SETX: variants seen among roughly 807,000 people sequenced by gnomAD.
SETX encodes the protein helicase senataxin.
Under a neutral mutation model 227.2 loss-of-function variants are expected in SETX, and 90 were observed. That is an observed-to-expected ratio of 0.40 (90% CI 0.33 to 0.47). SETX has a LOEUF of 0.47. Among genes scored for constraint, SETX ranks in the 20% least tolerant of loss-of-function variants. The probability of loss-of-function intolerance (pLI) is 0.91; values close to 1 mark genes in which losing one functional copy is unlikely to be tolerated. For missense variants in SETX, 3,052 were observed against 3,181.5 expected (o/e 0.96, Z 0.98); for synonymous variants, 1,210 against 1,113.2 (o/e 1.09, Z -1.73).
At chr9:132,272,122 G>A (rs562830923) in intron 23 of SETX, among the ~76,000 whole-genome samples, 47 of 151,942 alleles carry the variant, frequency 3.1e-4, no homozygotes, top group Non-Finnish European at 6.0e-4. Context: ...CGCCCGCCTC[G>A]GCCTCCCAAA....
intron 20 of SETX, among the ~76,000 whole-genome samples, chr9:132,280,348 A>G (rs1390449116): frequency 6.6e-6 from 1 of 152,116 alleles, no homozygotes; most frequent in Non-Finnish European, 1.5e-5. Context: ...GTTGAGGCCC[A>G]TTAACAATCT....
chr9:132,347,077 G>T (rs1199619979), intron 3 of SETX, among the ~76,000 whole-genome samples: 1 of 151,720 alleles, frequency 6.6e-6, no homozygotes, highest in South Asian at 2.1e-4. Context: ...CAACACGGAG[G>T]AACCTCGTCT....
intron 23 of SETX, among the ~76,000 whole-genome samples, chr9:132,274,128 C>T (rs1843033651): frequency 6.6e-6 from 1 of 152,134 alleles, no homozygotes; most frequent in Admixed American, 6.5e-5. Flanking sequence ...ATAAATCCCA[C>T]TTGGTCTTGA....
At chr9:132,348,587 G>A (rs1169991559) in intron 3 of SETX, among the ~76,000 whole-genome samples, 2 of 152,002 alleles carry the variant, frequency 1.3e-5, no homozygotes, top group African/African-American at 4.8e-5. Flanking sequence ...CATTTACTCA[G>A]CACCTAGTAT....
intron 10 of SETX, among the ~76,000 whole-genome samples, chr9:132,320,696 C>T (rs1035909031): frequency 6.6e-6 from 1 of 150,736 alleles, no homozygotes; most frequent in African/African-American, 2.4e-5. Context: ...CGGTTGAAAT[C>T]GTATGGTTAA....
In SETX at chr9:132,336,525, G is replaced by T; in HGVS notation, c.499-10C>A. On this transcript the variant is annotated splice_polypyrimidine_tract_variant and intron_variant, in intron 5 of 25. Coordinates refer to ENST00000224140, the MANE Select transcript of SETX (RefSeq NM_015046.7). ...TAGCCCAACGCCGAACCTAAATGCA[G>T]AATATATTTATTACTTAATTCAATA... The T allele has an allele frequency of 3.8e-6, 6 of 1,578,652 alleles. No individual in the cohort carries two copies. Among genetic ancestry groups the T allele is most frequent in the Non-Finnish European group, 5.2e-6 (6 of 1,147,738 alleles).
chr9:132,285,643 A>G (rs904519300), intron 18 of SETX, among the ~76,000 whole-genome samples: 20 of 150,808 alleles, frequency 1.3e-4, no homozygotes, highest in Non-Finnish European at 1.9e-4. Flanking sequence ...GCACTTAGGG[A>G]GGCCGAGGTG....
At position 132,329,337 on chromosome 9, in the gene SETX, G is replaced by C. The variant is rs764538703; in HGVS notation, c.2261C>G (p.Ala754Gly). The change falls in exon 10 of 26, where the codon GCT becomes GGT. Residue 754 changes from alanine to glycine, a missense_variant. This residue lies in a region of SETX where 1,483 missense variants were observed against 1,312.0 expected (regional missense o/e 1.13). Transcript: ENST00000224140. ...TRLLTDSSTD[A>G]LEKVSTSNED... ...ATTCGATGTGGACACTTTTTCCAAA[G>C]CATCAGTGCTAGAATCAGTCAACAA... 44 of 1,613,728 alleles carry C rather than the reference G, an allele frequency of 2.7e-5. No homozygotes were observed. The highest frequency in any genetic ancestry group is 3.4e-5 in the Non-Finnish European group (40 of 1,179,910).
At chr9:132,347,778 T>C (rs1218575866) in intron 3 of SETX, among the ~76,000 whole-genome samples, 6 of 152,164 alleles carry the variant, frequency 3.9e-5, no homozygotes, top group East Asian at 1.9e-4. Context: ...TTAGTGCAGC[T>C]TGTGGTATAA....
chr9:132,283,426 AGG>A lies in SETX; in HGVS notation c.6397-15_6397-14del, dbSNP rs778552157. The A allele has an allele frequency of 1.2e-6, 2 of 1,614,158 alleles. No individual in the cohort carries two copies. The highest frequency in any genetic ancestry group is 4.5e-5 in the East Asian group (2 of 44,884). On this transcript the variant is annotated splice_polypyrimidine_tract_variant and intron_variant, in intron 18 of 25. Transcript: ENST00000224140. ...GGCGTCCTTGAACCTAAGAGAACAAAGGTTAAATCAATATTCAGCTGTACATC... is the reference window on the plus strand; with the variant it reads ...GGCGTCCTTGAACCTAAGAGAACAAATTAAATCAATATTCAGCTGTACATC...
chr9:132,314,576 A>G (rs1270057395), intron 10 of SETX, among the ~76,000 whole-genome samples: 10 of 152,136 alleles, frequency 6.6e-5, no homozygotes, highest in African/African-American at 2.4e-4. Context: ...CTCATAAAGC[A>G]CTATCACTTC....
chr9:132,332,129 C>G (rs1462182541), intron 7 of SETX, among the ~76,000 whole-genome samples: 1 of 152,196 alleles, frequency 6.6e-6, no homozygotes, highest in Non-Finnish European at 1.5e-5. Context: ...TCAATGGATA[C>G]TTAATGTCTT....
chr9:132,335,899 T>C (rs493675), intron 6 of SETX, among the ~76,000 whole-genome samples: 136,084 of 152,190 alleles, frequency 0.89, 60,974 homozygotes, highest in Non-Finnish European at 0.92. Context: ...CTATCTTCAG[T>C]AAGTTTCATC....
rs60253119 is a variant in SETX, at chr9:132,292,415, C to CAAA, written c.6106+3454_6106+3456dup. Among the ~76,000 whole-genome samples, 148 of 60,998 alleles carry CAAA rather than the reference C, an allele frequency of 2.4e-3. 10 individuals carry two copies. Among genetic ancestry groups the CAAA allele is most frequent in the African/African-American group, 5.7e-3 (125 of 21,902 alleles). 40.0% of individuals were successfully genotyped at this position (60,998 alleles called of 152,430 possible). A position where few individuals can be genotyped will look rare whatever the true frequency, so the allele number is the denominator to read the frequency against. ...ATGTACCCCAGCCTGAGCTGGGGTA[C>CAAA]AAAAAAAAAAAAAAAAAAAAAAGAA... On this transcript the variant is annotated intron_variant, in intron 15 of 25. Transcript: ENST00000224140.
At chr9:132,279,202 T>A (rs1256939795) in intron 20 of SETX, among the ~76,000 whole-genome samples, 1 of 152,120 alleles carries the variant, frequency 6.6e-6, no homozygotes, top group Non-Finnish European at 1.5e-5. Flanking sequence ...TGGGATAAAC[T>A]GTCTTGATGT....
intron 6 of SETX, 24 bp downstream of exon 6, chr9:132,336,268 ATTAT>A (rs1378293204): frequency 1.3e-6 from 2 of 1,565,910 alleles, no homozygotes; most frequent in South Asian, 2.2e-5. Flanking sequence ...GAAAATACCA[ATTAT>A]ATTAGTGTAG....
At chr9:132,331,505 A>G in intron 7 of SETX, 57 bp from the exon 8 acceptor site, 2 of 1,550,140 alleles carry the variant, frequency 1.3e-6, no homozygotes, top group South Asian at 1.1e-5. Context: ...ACATACTACA[A>G]TATATTGAGA....
At chr9:132,274,822 GT>G (rs1564474373) in intron 23 of SETX, 2 of 174,148 alleles carry the variant, frequency 1.1e-5, no homozygotes, top group Non-Finnish European at 2.5e-5. Context: ...TGATTTTAAG[GT>G]TATGGATCTC....
chr9:132,342,937 T>C (rs1217438682), intron 4 of SETX, 138 bp from the exon 5 acceptor site: 5 of 690,418 alleles, frequency 7.2e-6, no homozygotes, highest in Non-Finnish European at 1.3e-5. Flanking sequence ...AAAATGCTTA[T>C]ATTGTAAATG....
Sources: gnomAD v4.1 joint callset for allele counts (sites outside exome capture counted in the v4.1 genomes callset) on GRCh38, gnomAD v4.1.1 for gene constraint, gnomAD v4.1.1 regional missense constraint, MANE v1.5 for transcripts, NCBI Gene and HGNC (gene_info 2026-07-23, HGNC 2026-07-21) for gene names.